The following TRIO variants were observed in gnomAD, a reference collection of about 807,000 sequenced individuals.
TRIO encodes the protein triple functional domain protein.
In TRIO, 58 loss-of-function variants were observed where a neutral mutation model predicts 351.9. That is an observed-to-expected ratio of 0.16 (90% confidence interval 0.13 to 0.21). TRIO has a LOEUF of 0.21. Ranked by LOEUF, TRIO falls within the 10% of genes least tolerant of loss-of-function variation. TRIO has a pLI of 1.00. For missense variants in TRIO, 3,201 were observed against 4,027.8 expected, an observed-to-expected ratio of 0.79 and a Z score of 5.56; for synonymous variants, 1,758 against 1,595.7, an observed-to-expected ratio of 1.10 and a Z score of -2.42.
chr5:14,380,078 G>C (rs1020977024), intron 20 of TRIO, among the ~76,000 whole-genome samples: 7 of 152,064 alleles, frequency 4.6e-5, no homozygotes, highest in Non-Finnish European at 8.8e-5. Flanking sequence ...TCTGTGCGCT[G>C]TCTCCCAGCC....
intron 33 of TRIO, among the ~76,000 whole-genome samples, chr5:14,407,428 A>C (rs578113008): frequency 3.1e-4 from 47 of 152,360 alleles, no homozygotes; most frequent in Admixed American, 7.8e-4. Context: ...AGGACCTACC[A>C]CACTGAAGGC....
At chr5:14,390,046 T>A (rs1746910352) in intron 25 of TRIO, among the ~76,000 whole-genome samples, 185 bp from the exon 26 acceptor site, 1 of 152,170 alleles carries the variant, frequency 6.6e-6, no homozygotes, top group African/African-American at 2.4e-5. Context: ...AGAAATAAAT[T>A]TGTTAGAAAG....
At chr5:14,265,654 G>T (rs78581853) in intron 1 of TRIO, among the ~76,000 whole-genome samples, 8 of 152,084 alleles carry the variant, frequency 5.3e-5, no homozygotes, top group Non-Finnish European at 1.0e-4. Flanking sequence ...GACCAAGTGA[G>T]CGAGCATTCT....
At position 14,506,831 on chromosome 5, in the gene TRIO, G is replaced by A. The variant is rs1031351782; in HGVS notation, c.8613-291G>A. Among the ~76,000 whole-genome samples the A allele has an allele frequency of 2.4e-4, 36 of 152,238 alleles. 1 individual carries two copies. Among genetic ancestry groups the A allele is most frequent in the African/African-American group, 7.7e-4 (32 of 41,542 alleles). The stretch of plus-strand genomic sequence containing the variant: ...GATGCCTGCTGCACCTGGCACTGCC[G>A]GCAGCCGGGCCACGCCATCCCCCGC... On this transcript the variant is annotated intron_variant, in intron 55 of 56. Transcript: ENST00000344204.
intron 27 of TRIO, among the ~76,000 whole-genome samples, chr5:14,392,917 G>A (rs550695583): frequency 3.3e-5 from 5 of 151,990 alleles, no homozygotes; most frequent in African/African-American, 4.8e-5. Context: ...GCGTGGTGGC[G>A]GGCACCTGTA....
chr5:14,254,580 T>C (rs1794924440), intron 1 of TRIO, among the ~76,000 whole-genome samples: 1 of 152,266 alleles, frequency 6.6e-6, no homozygotes, highest in South Asian at 2.1e-4. Context: ...GGCCAGGCCA[T>C]CTTTCTACCG....
Position 14,374,307 on chromosome 5 carries a change from G to A in TRIO, c.3295G>A (p.Val1099Met). Residue 1099 changes from valine (V) to methionine (M), a missense_variant, in exon 19 of 57, where the codon GTG becomes ATG. Around this residue, in one of 19 missense-constraint regions of TRIO, gnomAD observed 201 missense variants for 266.5 expected, o/e 0.75. Transcript: ENST00000344204. The part of the protein sequence containing the change: ...HRNSVNMPGM[V>M]THIKAPEQQV... ...GAACAGCGTGAACATGCCAGGAATGGTGACGCACATCAAAGCTCCTGAACA... is the reference window on the plus strand; with the variant it reads ...GAACAGCGTGAACATGCCAGGAATGATGACGCACATCAAAGCTCCTGAACA... 1 of 1,613,562 alleles carries A rather than the reference G, an allele frequency of 6.2e-7. No individual in the cohort carries two copies. Among genetic ancestry groups the A allele is most frequent in the Admixed American group, 1.7e-5 (1 of 60,010 alleles).
At chr5:14,387,232 C>G in intron 21 of TRIO, 1 of 485,894 alleles carries the variant, frequency 2.1e-6, no homozygotes, top group South Asian at 4.9e-5. Flanking sequence ...CATAAAAATG[C>G]CATTCGTTGT....
At chr5:14,485,575 C>T (rs1168985265) in intron 47 of TRIO, among the ~76,000 whole-genome samples, 2 of 152,188 alleles carry the variant, frequency 1.3e-5, no homozygotes, top group African/African-American at 4.8e-5. Flanking sequence ...CTGTCCCACA[C>T]ATAACATGTA....
At chr5:14,233,773 TTTTGTGTTTTTTG>T (rs1452028191) in intron 1 of TRIO, among the ~76,000 whole-genome samples, 1 of 151,784 alleles carries the variant, frequency 6.6e-6, no homozygotes, top group Admixed American at 6.6e-5. Context: ...TTTGTTTTGG[TTTTGTGTTTTTTG>T]TTTGTGTGTT....
rs896521587 is a variant in TRIO, at chr5:14,143,750, G to GCCGCCC, written c.31_36dup (p.Pro11_Ala12dup). Reference sequence around the variant, plus strand: ...CATGAGCGGCAGCAGCGGCGGAGCCGCCGCCCCCGCCGCGTCCTCCGGCCC... The same window carrying GCCGCCC: ...CATGAGCGGCAGCAGCGGCGGAGCCGCCGCCCCCGCCCCCGCCGCGTCCTCCGGCCC... On this transcript the variant is annotated inframe_insertion, in exon 1 of 57. Coordinates refer to ENST00000344204, the MANE Select transcript of TRIO (RefSeq NM_007118.4). 83 of 985,758 alleles carry GCCGCCC rather than the reference G, an allele frequency of 8.4e-5. No individual in the cohort carries two copies. The East Asian group carries it at 8.2e-3, about 98-fold the overall frequency. 61.1% of individuals were successfully genotyped at this position (985,758 alleles called of 1,614,324 possible).
chr5:14,183,601 GAAA>G (rs1202353999), intron 1 of TRIO, among the ~76,000 whole-genome samples: 3 of 150,998 alleles, frequency 2.0e-5, no homozygotes, highest in Non-Finnish European at 4.4e-5. Flanking sequence ...ATTAAAAAGA[GAAA>G]AAAACAGAAA....
chr5:14,181,879 T>A (rs568757381), intron 1 of TRIO, among the ~76,000 whole-genome samples: 8 of 152,238 alleles, frequency 5.3e-5, no homozygotes, highest in African/African-American at 1.9e-4. Flanking sequence ...TTTCTGGTAG[T>A]TTCTACACTC....
chr5:14,405,614 T>C (rs1748636316), intron 31 of TRIO, among the ~76,000 whole-genome samples: 1 of 152,190 alleles, frequency 6.6e-6, no homozygotes, highest in Non-Finnish European at 1.5e-5. Flanking sequence ...ATTATTGCAA[T>C]AGTCAGAGAT....
At chr5:14,498,816 C>T (rs1001333722) in intron 53 of TRIO, 176 bp downstream of exon 53, 54 of 961,672 alleles carry the variant, frequency 5.6e-5, no homozygotes, top group Non-Finnish European at 2.5e-5. Flanking sequence ...TGGGATGTCA[C>T]AGGAGAGTGA....
intron 37 of TRIO, among the ~76,000 whole-genome samples, chr5:14,470,612 T>C (rs1438030227): frequency 2.0e-5 from 3 of 152,234 alleles, no homozygotes; most frequent in Non-Finnish European, 4.4e-5. Flanking sequence ...TTGCAAAGAT[T>C]TGCATGAGGT....
At chr5:14,429,403 C>G (rs1232049965) in intron 34 of TRIO, among the ~76,000 whole-genome samples, 1 of 152,156 alleles carries the variant, frequency 6.6e-6, no homozygotes, top group Non-Finnish European at 1.5e-5. Flanking sequence ...GGCTGACTTT[C>G]CCATGCACAG....
intron 53 of TRIO, among the ~76,000 whole-genome samples, chr5:14,501,512 T>C: frequency 6.6e-6 from 1 of 152,350 alleles, no homozygotes; most frequent in East Asian, 1.9e-4. Context: ...ACAACAGTGC[T>C]AGCTGGCAGC....
At chr5:14,379,881 C>A (rs1375898557) in intron 20 of TRIO, among the ~76,000 whole-genome samples, 1 of 152,234 alleles carries the variant, frequency 6.6e-6, no homozygotes, top group Admixed American at 6.5e-5. Flanking sequence ...ATATGCAGCA[C>A]ATACCCAGTG....
Sources: gnomAD v4.1 joint callset for allele counts (sites outside exome capture counted in the v4.1 genomes callset) on GRCh38, gnomAD v4.1.1 for gene constraint, gnomAD v4.1.1 regional missense constraint, MANE v1.5 for transcripts, NCBI Gene and HGNC (gene_info 2026-07-23, HGNC 2026-07-21) for gene names.